The following ANKRD35 variants were observed in gnomAD, a reference collection of about 807,000 sequenced individuals.
The protein encoded by ANKRD35 is ankyrin repeat domain 35, also known as ankyrin repeat domain-containing protein 35.
In ANKRD35, 102 loss-of-function variants were observed where a neutral mutation model predicts 109.9. The ratio of observed to expected loss-of-function variants is 0.93; its 90% confidence interval spans 0.79 to 1.09. The LOEUF (loss-of-function observed/expected upper bound fraction) is 1.09, where lower values mean the gene tolerates loss of function less well. Ranked by LOEUF, ANKRD35 falls within the 50% of genes least tolerant of loss-of-function variation. The pLI, the probability that ANKRD35 is intolerant of heterozygous loss-of-function variation, is 0.00. For synonymous variants in ANKRD35, 515 were observed against 512.4 expected, an observed-to-expected ratio of 1.01 and a Z score of -0.07; for missense variants, 1,240 against 1,230.1, an observed-to-expected ratio of 1.01 and a Z score of -0.12.
rs1023986192 is a variant in ANKRD35 at position 145,874,742 on chromosome 1, T to C, written c.745+80A>G. The C allele has an allele frequency of 8.4e-6, 12 of 1,436,066 alleles. No homozygotes were observed. The Admixed American group carries it at 3.2e-4, about 38-fold the overall frequency. 89.0% of individuals were successfully genotyped at this position (1,436,066 alleles called of 1,614,324 possible). A position where few individuals can be genotyped will look rare whatever the true frequency, so the allele number is the denominator to read the frequency against. ...AGGTGACAATTATTTGTCAGATAGA[T>C]TACTTCCATGGAAACAAATGGGACT... is the stretch of plus-strand genomic sequence containing the variant. On this transcript the variant is annotated intron_variant, in intron 8 of 13. Coordinates refer to ENST00000355594, the MANE Select transcript of ANKRD35 (RefSeq NM_144698.5).
intron 8 of ANKRD35, among the ~76,000 whole-genome samples, 200 bp from the exon 9 acceptor site, chr1:145,874,392 G>A (rs1442779839): frequency 6.6e-6 from 1 of 152,138 alleles, no homozygotes; most frequent in East Asian, 1.9e-4. Flanking sequence ...TCCCAGAAAT[G>A]GGCCACTTCA....
intron 1 of ANKRD35, among the ~76,000 whole-genome samples, chr1:145,884,954 G>A (rs1367012738): frequency 4.6e-5 from 7 of 152,290 alleles, no homozygotes; most frequent in South Asian, 4.1e-4. Context: ...CTCTGGCAGT[G>A]CCTGTGAGGC....
At position 145,867,336 on chromosome 1, in the gene ANKRD35, C is replaced by A. The variant is rs186816933; in HGVS notation, c.3000G>T (p.Glu1000Asp). Residue 1000 changes from glutamate (E) to aspartate (D), a missense_variant, in exon 13 of 14, where the codon GAG (glutamate) becomes GAT (aspartate). Glu to Asp is a conservative substitution (Grantham distance 45). Coordinates refer to ENST00000355594, the MANE Select transcript of ANKRD35 (RefSeq NM_144698.5). ...NILLQILSME[E>D]E ...GGCACACAGTGAGGCTGCCTCACTC[C>A]TCTTCCATGCTAAGGATTTGCAGCA... 6 of 1,613,934 alleles carry A rather than the reference C, an allele frequency of 3.7e-6. No homozygotes were observed. In the East Asian group the frequency reaches 1.1e-4, roughly 30 times the overall value.
intron 5 of ANKRD35, 70 bp downstream of exon 5, chr1:145,876,746 C>T: frequency 6.2e-7 from 1 of 1,610,858 alleles, no homozygotes; most frequent in Non-Finnish European, 8.5e-7. Flanking sequence ...GCTGCCCTTC[C>T]CTCCTCACGC....
chr1:145,883,846 T>C (rs1259210035), intron 1 of ANKRD35, among the ~76,000 whole-genome samples: 3 of 152,250 alleles, frequency 2.0e-5, no homozygotes, highest in Admixed American at 6.5e-5. Context: ...GCAAGCTTTC[T>C]ATGACTCCAA....
At chr1:145,867,779 A>T (rs1653661737) in intron 12 of ANKRD35, among the ~76,000 whole-genome samples, 1 of 152,154 alleles carries the variant, frequency 6.6e-6, no homozygotes, top group African/African-American at 2.4e-5. Flanking sequence ...AGGCCAGAGA[A>T]TTGAAACAGA....
chr1:145,873,216 A>T lies in ANKRD35; in HGVS notation c.1553T>A (p.Met518Lys). 6.2e-7 allele frequency: 1 copy of T among 1,614,088 alleles called. No individual in the cohort carries two copies. The highest frequency in any genetic ancestry group is 8.5e-7 in the Non-Finnish European group (1 of 1,179,992). Residue 518 changes from methionine (M) to lysine (K), a missense_variant, in exon 10 of 14, where the codon ATG becomes AAG. Met to Lys is a moderately conservative substitution (Grantham distance 95). Coordinates refer to ENST00000355594, the MANE Select transcript of ANKRD35 (RefSeq NM_144698.5). Reference sequence around the variant, plus strand: ...ACGGGGAGTCCCCAGGGCTCCCTCCATGACCGGTCTTGACAAAGCCCCCCG... The same window carrying T: ...ACGGGGAGTCCCCAGGGCTCCCTCCTTGACCGGTCTTGACAAAGCCCCCCG... ...AARGALSRPV[M>K]EGALGTPRAE...
intron 6 of ANKRD35, 121 bp downstream of exon 6, chr1:145,876,448 G>T: frequency 8.2e-7 from 1 of 1,225,262 alleles, no homozygotes; most frequent in Non-Finnish European, 1.2e-6. Context: ...GAAGCAGGAG[G>T]AGAAGGAAGA....
At chr1:145,878,524 G>A (rs1218423885) in intron 2 of ANKRD35, 45 bp from the exon 3 acceptor site, 45 of 1,513,526 alleles carry the variant, frequency 3.0e-5, no homozygotes, top group Middle Eastern at 1.7e-4. Flanking sequence ...AGGGACCAGG[G>A]ATGAGGAATG....
At chr1:145,875,099 C>T in intron 7 of ANKRD35, 93 bp from the exon 8 acceptor site, 2 of 1,299,774 alleles carry the variant, frequency 1.5e-6, no homozygotes, top group Admixed American at 2.3e-5. Flanking sequence ...AGCTCTCATT[C>T]AGTGGGGTCA....
At chr1:145,869,430 C>T (rs1553738249) in intron 10 of ANKRD35, among the ~76,000 whole-genome samples, 1 of 152,122 alleles carries the variant, frequency 6.6e-6, no homozygotes, top group Non-Finnish European at 1.5e-5. Flanking sequence ...GATCCGCCCA[C>T]CTCAGCCTCC....
chr1:145,882,006 G>C (rs1654307508), intron 1 of ANKRD35, among the ~76,000 whole-genome samples: 1 of 139,618 alleles, frequency 7.2e-6, no homozygotes, highest in Non-Finnish European at 1.5e-5. Context: ...CCAGGCTGGA[G>C]TGCAGTGGCG....
chr1:145,868,780 A>G (rs1294090997), intron 10 of ANKRD35, among the ~76,000 whole-genome samples: 1 of 152,246 alleles, frequency 6.6e-6, no homozygotes, highest in Non-Finnish European at 1.5e-5. Flanking sequence ...TTTAAAGTGC[A>G]AACTAACATT....
At position 145,872,362 on chromosome 1, in the gene ANKRD35, TC is replaced by T. The variant is rs782330080; in HGVS notation, c.2406del (p.Lys803ArgfsTer8). 1 of 1,612,786 alleles carries T rather than the reference TC, an allele frequency of 6.2e-7. No individual in the cohort carries two copies. Among genetic ancestry groups the T allele is most frequent in the South Asian group, 1.1e-5 (1 of 90,998 alleles). ...ELRAVQATMS[G>X]KSQEIGKLKQ... ...TTCAGCTTTCCGATCTCCTGGCTCT[TC>T]CCGCTCATCGTGGCCTGAACTGCCC... On this transcript the variant is annotated frameshift_variant, in exon 10 of 14. Coordinates refer to ENST00000355594, the MANE Select transcript of ANKRD35 (RefSeq NM_144698.5). LOFTEE classifies it high-confidence loss of function.
chr1:145,879,513 C>T (rs1559177247), intron 1 of ANKRD35, 125 bp from the exon 2 acceptor site: 2 of 1,143,494 alleles, frequency 1.7e-6, no homozygotes, highest in South Asian at 5.1e-5. Flanking sequence ...CCACAAGTCA[C>T]ACATCCTAGA....
chr1:145,873,997 A>G lies in ANKRD35; in HGVS notation c.784-12T>C. ...TCAGATGGAGAGGCCTATGTTGGAA[A>G]CAGAATAGTAAAGTGTGGCCACTAG... On this transcript the variant is annotated splice_polypyrimidine_tract_variant and intron_variant, in intron 9 of 13. Coordinates refer to ENST00000355594, the MANE Select transcript of ANKRD35 (RefSeq NM_144698.5). 2 of 1,613,340 alleles carry G rather than the reference A, an allele frequency of 1.2e-6. No homozygotes were observed. The highest frequency in any genetic ancestry group is 1.7e-6 in the Non-Finnish European group (2 of 1,179,726).
Position 145,873,959 on chromosome 1 carries a change from A to C in ANKRD35, c.810T>G (p.Gly270=). The C allele has an allele frequency of 6.2e-7, 1 of 1,614,078 alleles. No homozygotes were observed. The highest frequency in any genetic ancestry group is 8.5e-7 in the Non-Finnish European group (1 of 1,180,004). The change falls in exon 10 of 14, where the codon GGT becomes GGG. Residue 270 remains glycine (G), a synonymous_variant. Coordinates refer to ENST00000355594, the MANE Select transcript of ANKRD35 (RefSeq NM_144698.5). The part of the protein sequence containing the change: ...SQASPSEPQA[G]SPPKSSWRAE... ...CTCTCCATGAGCTCTTAGGAGGAGA[A>C]CCTGCCTGGGGCTCAGATGGAGAGG...
At chr1:145,871,158 T>TAC (rs71584604) in intron 10 of ANKRD35, among the ~76,000 whole-genome samples, 1 of 72,504 alleles carries the variant, frequency 1.4e-5, no homozygotes, top group African/African-American at 5.8e-5. Context: ...TTTTTCTTTT[T>TAC]TTTTTTTTTT....
chr1:145,882,078 C>A (rs1654311687), intron 1 of ANKRD35, among the ~76,000 whole-genome samples: 1 of 150,038 alleles, frequency 6.7e-6, no homozygotes, highest in Non-Finnish European at 1.5e-5. Flanking sequence ...CCTCAGCCTC[C>A]CGAGTAGCTG....
Sources: gnomAD v4.1 joint callset for allele counts (sites outside exome capture counted in the v4.1 genomes callset) on GRCh38, gnomAD v4.1.1 for gene constraint, MANE v1.5 for transcripts, NCBI Gene and HGNC (gene_info 2026-07-23, HGNC 2026-07-21) for gene names.